Variants in SLC2A12 observed in about 807,000 individuals in gnomAD.
SLC2A12 encodes the protein solute carrier family 2 member 12, also known as solute carrier family 2, facilitated glucose transporter member 12.
Under a neutral mutation model 41.8 loss-of-function variants are expected in SLC2A12, and 23 were observed. The ratio of observed to expected loss-of-function variants is 0.55; its 90% CI spans 0.40 to 0.78. The LOEUF (loss-of-function observed/expected upper bound fraction) is 0.78. SLC2A12 is among the 30% of genes least tolerant of loss of function. SLC2A12 has a pLI of 0.00. For missense variants in SLC2A12, 654 were observed against 745.6 expected (o/e 0.88, Z 1.43); for synonymous variants, 295 against 285.9 (o/e 1.03, Z -0.32).
At chr6:134,045,611 C>T (rs1005903641) in intron 1 of SLC2A12, among the ~76,000 whole-genome samples, 1 of 152,176 alleles carries the variant, frequency 6.6e-6, no homozygotes, top group Non-Finnish European at 1.5e-5. Context: ...GACCCTGGTA[C>T]CTGGTAGTAA....
In SLC2A12 at chr6:134,002,013, T is replaced by C. The variant is rs750047454; in HGVS notation, c.1684A>G (p.Met562Val). Residue 562 changes from methionine to valine, a missense_variant, in exon 4 of 5, where the codon ATG becomes GTG. This residue lies in a region of SLC2A12 where 134 missense variants were observed against 180.5 expected (regional missense o/e 0.74). Coordinates refer to ENST00000275230, the MANE Select transcript of SLC2A12 (RefSeq NM_145176.3). ...TKGCSLEQISMELAKVNYVKN... is the reference protein window; with the variant it reads ...TKGCSLEQISVELAKVNYVKN... ...AATACTTACACTTTTGCTAGCTCCA[T>C]TGATATTTGTTCCAAAGAGCATCCC... is the stretch of plus-strand genomic sequence containing the variant. 1.1e-5 allele frequency: 17 copies of C among 1,608,998 alleles called. No individual in the cohort carries two copies. The highest frequency in any genetic ancestry group is 5.5e-5 in the South Asian group (5 of 90,206).
chr6:134,006,799 A>G lies in SLC2A12; in HGVS notation c.1567+13T>C, dbSNP rs1355998490. 1 of 1,613,936 alleles carries G rather than the reference A, an allele frequency of 6.2e-7. No individual in the cohort carries two copies. Among genetic ancestry groups the G allele is most frequent in the Non-Finnish European group, 8.5e-7 (1 of 1,179,930 alleles). On this transcript the variant is annotated intron_variant, in intron 3 of 4. Coordinates refer to ENST00000275230, the MANE Select transcript of SLC2A12 (RefSeq NM_145176.3). Reference sequence around the variant, plus strand: ...AGGACCAAAGACATTAGAGGAAAACAAAGACTTCTTACCAGTTACAGTCAA... The same window carrying G: ...AGGACCAAAGACATTAGAGGAAAACGAAGACTTCTTACCAGTTACAGTCAA...
chr6:134,000,314 AG>A (rs1776740128), intron 4 of SLC2A12, among the ~76,000 whole-genome samples: 4 of 152,342 alleles, frequency 2.6e-5, no homozygotes, highest in Admixed American at 2.6e-4. Context: ...AAGTGTATAA[AG>A]CACAAAGTGA....
chr6:134,018,316 G>A (rs1348821916), intron 2 of SLC2A12, among the ~76,000 whole-genome samples: 1 of 152,122 alleles, frequency 6.6e-6, no homozygotes, highest in Non-Finnish European at 1.5e-5. Flanking sequence ...TAACTCGACA[G>A]GCCATCAAGT....
intron 3 of SLC2A12, among the ~76,000 whole-genome samples, chr6:134,005,177 T>C (rs1388955532): frequency 6.6e-6 from 1 of 152,218 alleles, no homozygotes; most frequent in East Asian, 1.9e-4. Context: ...TATTATAATA[T>C]ATAAATCTAA....
Position 134,028,375 on chromosome 6 carries a change from A to G in SLC2A12, c.1444+6T>C, listed in dbSNP as rs1777142826. ...AAAGCAATACATTAAAGAATAAAGT[A>G]CTTACTTGGTCCTAGACCAATTGAA... On this transcript the variant is annotated splice_donor_region_variant and intron_variant, in intron 2 of 4. Transcript: ENST00000275230. 1.3e-6 allele frequency: 2 copies of G among 1,596,578 alleles called. No homozygotes were observed. Among genetic ancestry groups the G allele is most frequent in the South Asian group, 1.1e-5 (1 of 88,022 alleles).
chr6:134,041,966 G>A (rs756652649), intron 1 of SLC2A12, among the ~76,000 whole-genome samples: 11 of 152,216 alleles, frequency 7.2e-5, no homozygotes, highest in South Asian at 2.1e-4. Context: ...CGACATCTCC[G>A]AAAGGATCCC....
chr6:134,037,966 G>C (rs558505028), intron 1 of SLC2A12, among the ~76,000 whole-genome samples: 1 of 152,212 alleles, frequency 6.6e-6, no homozygotes, highest in African/African-American at 2.4e-5. Context: ...GGCCATGCCT[G>C]TATTGACAAA....
intron 4 of SLC2A12, among the ~76,000 whole-genome samples, chr6:133,994,732 A>G (rs887520742): frequency 6.6e-6 from 1 of 152,160 alleles, no homozygotes; most frequent in Non-Finnish European, 1.5e-5. Flanking sequence ...ACAAACAAAC[A>G]AAAAAGAAAC....
In SLC2A12 at chr6:134,032,456, A is replaced by T. The variant is rs1193274849; in HGVS notation, c.104-2735T>A. Among the ~76,000 whole-genome samples, 150 of 36,310 alleles carry T rather than the reference A, an allele frequency of 4.1e-3. 7 individuals carry two copies. Among genetic ancestry groups the T allele is most frequent in the African/African-American group, 0.017 (143 of 8,342 alleles). The allele number at this position is 36,310 out of a possible 152,430, so 23.8% of individuals were successfully genotyped here. ...TATATATATATATATATAAATATAT[A>T]TATATATATTTTTATATATATATAT... is the stretch of plus-strand genomic sequence containing the variant. On this transcript the variant is annotated intron_variant, in intron 1 of 4. Coordinates refer to ENST00000275230, the MANE Select transcript of SLC2A12 (RefSeq NM_145176.3).
chr6:134,026,604 A>G (rs1364541537), intron 2 of SLC2A12, among the ~76,000 whole-genome samples: 1 of 152,226 alleles, frequency 6.6e-6, no homozygotes, highest in Non-Finnish European at 1.5e-5. Context: ...TGTTTCCGGG[A>G]AACTGTTCAT....
chr6:134,045,576 T>C (rs568170255), intron 1 of SLC2A12, among the ~76,000 whole-genome samples: 114 of 152,186 alleles, frequency 7.5e-4, no homozygotes, highest in African/African-American at 2.6e-3. Context: ...CTTCATAGAG[T>C]TGTAAGAATG....
At position 133,990,079 on chromosome 6, in the gene SLC2A12, G is replaced by A. The variant is rs1445553998; in HGVS notation, c.*1076C>T. 6.6e-6 allele frequency: 1 copy of A among 152,634 alleles called. No homozygotes were observed. The highest frequency in any genetic ancestry group is 2.4e-5 in the African/African-American group (1 of 41,454). The allele number at this position is 152,634 out of a possible 1,614,324, so 9.5% of individuals were successfully genotyped here. On this transcript the variant is annotated 3_prime_UTR_variant, in exon 5 of 5. Coordinates refer to ENST00000275230, the MANE Select transcript of SLC2A12 (RefSeq NM_145176.3). The stretch of plus-strand genomic sequence containing the variant: ...TAAGAGAACAGTTCATCGTTGTGTG[G>A]GTGAAACCCACGTTGCTGGTACAGG...
At chr6:134,010,260 T>G (rs1241311003) in intron 2 of SLC2A12, among the ~76,000 whole-genome samples, 1 of 152,144 alleles carries the variant, frequency 6.6e-6, no homozygotes. Context: ...AAAATTAAAT[T>G]ATTGCCACAG....
intron 2 of SLC2A12, among the ~76,000 whole-genome samples, chr6:134,026,766 G>T (rs1248461255): frequency 6.6e-6 from 1 of 152,202 alleles, no homozygotes; most frequent in Admixed American, 6.5e-5. Context: ...TGCAGAGGAA[G>T]GGCCATGTCT....
chr6:134,013,388 G>A (rs1460776537), intron 2 of SLC2A12, among the ~76,000 whole-genome samples: 1 of 151,956 alleles, frequency 6.6e-6, no homozygotes, highest in African/African-American at 2.4e-5. Context: ...TGTGAATTAA[G>A]CTATTAGCAT....
intron 3 of SLC2A12, among the ~76,000 whole-genome samples, chr6:134,005,671 A>G (rs1287445840): frequency 3.9e-5 from 4 of 101,604 alleles, no homozygotes; most frequent in Middle Eastern, 4.8e-3. Flanking sequence ...AAAAAAAAAA[A>G]AAAAAAAAAA....
At chr6:133,991,432 A>G (rs1776622466) in intron 4 of SLC2A12, 124 bp from the exon 5 acceptor site, 1 of 1,061,532 alleles carries the variant, frequency 9.4e-7, no homozygotes, top group Non-Finnish European at 1.3e-6. Flanking sequence ...ATAAATACAC[A>G]TTTTTATTAG....
chr6:134,043,073 C>T (rs9493805), intron 1 of SLC2A12, among the ~76,000 whole-genome samples: 2,533 of 152,106 alleles, frequency 0.017, 65 homozygotes, highest in African/African-American at 0.058. Flanking sequence ...TCAGGATGGG[C>T]CTACCTAATA....
Sources: allele counts gnomAD v4.1 joint callset (sites outside exome capture counted in the v4.1 genomes callset), GRCh38; gene constraint gnomAD v4.1.1; regional missense constraint gnomAD v4.1.1; transcripts MANE v1.5; gene names NCBI Gene and HGNC (gene_info 2026-07-23, HGNC 2026-07-21).